RNF216: variants seen among roughly 807,000 people sequenced by gnomAD.
The protein encoded by RNF216 is E3 ubiquitin-protein ligase RNF216.
A neutral mutation model predicts 110.8 loss-of-function variants in RNF216; 72 were observed. That is an observed-to-expected ratio of 0.65 (90% CI 0.54 to 0.79). The LOEUF is 0.79. Ranked by LOEUF, RNF216 falls within the 30% of genes least tolerant of loss-of-function variation. The pLI is 0.00. For missense variants in RNF216, 1,342 were observed against 1,141.2 expected, an observed-to-expected ratio of 1.18 and a Z score of -2.54; for synonymous variants, 495 against 407.5, an observed-to-expected ratio of 1.21 and a Z score of -2.59.
intron 5 of RNF216, among the ~76,000 whole-genome samples, chr7:5,736,837 C>T (rs2772379): frequency 2.6e-5 from 4 of 151,268 alleles, no homozygotes; most frequent in South Asian, 2.1e-4. Context: ...GGAGCCCCTC[C>T]GCCCCGCAGC....
rs774823145 is a variant in RNF216 at position 5,622,779 on chromosome 7, A to T, written c.*81T>A. On this transcript the variant is annotated 3_prime_UTR_variant, in exon 17 of 17. Transcript: ENST00000389902. ...GCTGACTTAGGATGCAATGGTACAG[A>T]CACCAGCCTTGGGGGAGGGTTCTCC... is the stretch of plus-strand genomic sequence containing the variant. 3 of 1,380,134 alleles carry T rather than the reference A, an allele frequency of 2.2e-6. No homozygotes were observed. Among genetic ancestry groups the T allele is most frequent in the Non-Finnish European group, 3.0e-6 (3 of 1,007,418 alleles). The allele number at this position is 1,380,134 out of a possible 1,614,324, so 85.5% of individuals were successfully genotyped here.
At chr7:5,678,826 A>G (rs908750668) in intron 13 of RNF216, among the ~76,000 whole-genome samples, 1 of 152,212 alleles carries the variant, frequency 6.6e-6, no homozygotes, top group East Asian at 1.9e-4. Context: ...CAGGGAAGAC[A>G]TGAGAGCTGG....
intron 13 of RNF216, among the ~76,000 whole-genome samples, chr7:5,693,725 A>T (rs982988671): frequency 6.6e-6 from 1 of 152,148 alleles, no homozygotes; most frequent in Non-Finnish European, 1.5e-5. Context: ...GTTGTTCTAA[A>T]GTTAGGCAAG....
intron 1 of RNF216, among the ~76,000 whole-genome samples, chr7:5,773,680 G>A (rs927123401): frequency 6.6e-6 from 1 of 152,178 alleles, no homozygotes; most frequent in African/African-American, 2.4e-5. Flanking sequence ...CGATTCTCCT[G>A]CCTCAGCCTC....
intron 13 of RNF216, among the ~76,000 whole-genome samples, chr7:5,675,707 T>A (rs1790239663): frequency 6.8e-6 from 1 of 147,778 alleles, no homozygotes; most frequent in Admixed American, 6.6e-5. Flanking sequence ...CTAACTCTAT[T>A]CAAATTCTTT....
intron 1 of RNF216, among the ~76,000 whole-genome samples, chr7:5,769,549 G>T (rs895655657): frequency 6.7e-6 from 1 of 150,186 alleles, no homozygotes; most frequent in Admixed American, 6.6e-5. Flanking sequence ...ATGGTGAAAC[G>T]CTGTCTCTAC....
intron 15 of RNF216, among the ~76,000 whole-genome samples, chr7:5,629,905 A>T (rs891870526): frequency 6.6e-6 from 1 of 151,872 alleles, no homozygotes; most frequent in African/African-American, 2.4e-5. Flanking sequence ...CTAGTCCCTC[A>T]TAAGATACTT....
intron 15 of RNF216, among the ~76,000 whole-genome samples, chr7:5,632,296 T>C (rs763381430): frequency 1.1e-4 from 16 of 152,338 alleles, no homozygotes; most frequent in African/African-American, 2.6e-4. Context: ...CTGTGCCTCA[T>C]CCTTGGTTTC....
intron 1 of RNF216, among the ~76,000 whole-genome samples, chr7:5,771,027 C>T (rs1796468301): frequency 6.6e-6 from 1 of 152,110 alleles, no homozygotes; most frequent in Admixed American, 6.6e-5. Context: ...AGGCTGGTCT[C>T]GAACTCTTGA....
intron 13 of RNF216, among the ~76,000 whole-genome samples, chr7:5,697,614 C>CT (rs1791709179): frequency 6.6e-6 from 1 of 152,128 alleles, no homozygotes; most frequent in South Asian, 2.1e-4. Flanking sequence ...TCCTGTGCAG[C>CT]TGGGACTACA....
chr7:5,753,088 G>A (rs1795418925), intron 2 of RNF216, 109 bp from the exon 3 acceptor site: 2 of 1,094,286 alleles, frequency 1.8e-6, no homozygotes, highest in Admixed American at 5.8e-5. Context: ...ATGGCTACTA[G>A]TGTAACGTAC....
chr7:5,773,577 C>A (rs1326092917), intron 1 of RNF216, among the ~76,000 whole-genome samples: 2 of 150,888 alleles, frequency 1.3e-5, no homozygotes, highest in Non-Finnish European at 3.0e-5. Context: ...TATTTTCAAG[C>A]CAAATTTTGA....
chr7:5,775,169 G>T (rs1584627046), intron 1 of RNF216: 1 of 152,150 alleles, frequency 6.6e-6, no homozygotes, highest in African/African-American at 2.4e-5. Flanking sequence ...ACCAGAGTCA[G>T]GAAACATGGC....
At chr7:5,692,983 C>G (rs978619019) in intron 13 of RNF216, among the ~76,000 whole-genome samples, 4 of 152,212 alleles carry the variant, frequency 2.6e-5, no homozygotes, top group South Asian at 4.1e-4. Flanking sequence ...TTCCTCCTCC[C>G]ATTTAAGACA....
chr7:5,741,788 T>C lies in RNF216; in HGVS notation c.229A>G (p.Asn77Asp). The C allele has an allele frequency of 6.2e-7, 1 of 1,612,494 alleles. No homozygotes were observed. Among genetic ancestry groups the C allele is most frequent in the Non-Finnish European group, 8.5e-7 (1 of 1,179,552 alleles). The change falls in exon 4 of 17, where the codon AAT becomes GAT. Residue 77 changes from asparagine (N) to aspartate (D), a missense_variant. Asn to Asp is a conservative substitution (Grantham distance 23, BLOSUM62 1). Transcript: ENST00000389902. ...CACTGGGCAGCTGGTTTGATGAGAT[T>C]GGGTCGTGATCTCTGAGGTTTATTT... ...ETNKPQRSRPNLIKPAAQWQD... is the reference protein window; with the variant it reads ...ETNKPQRSRPDLIKPAAQWQD...
intron 15 of RNF216, among the ~76,000 whole-genome samples, chr7:5,626,333 T>G (rs150439339): frequency 1.3e-5 from 2 of 151,240 alleles, no homozygotes; most frequent in African/African-American, 4.9e-5. Context: ...AATATCAAGG[T>G]AGATGCTATC....
chr7:5,701,278 T>G (rs939137004), intron 13 of RNF216, among the ~76,000 whole-genome samples: 1 of 152,208 alleles, frequency 6.6e-6, no homozygotes, highest in Non-Finnish European at 1.5e-5. Context: ...GGGGAGCTGG[T>G]AGAAATGAGT....
intron 5 of RNF216, among the ~76,000 whole-genome samples, chr7:5,732,265 A>G (rs531172271): frequency 3.3e-5 from 5 of 152,330 alleles, no homozygotes; most frequent in Admixed American, 3.3e-4. Context: ...GCCACCAGCA[A>G]AAATCGCGTC....
intron 13 of RNF216, among the ~76,000 whole-genome samples, chr7:5,655,598 T>C (rs1788689780): frequency 6.6e-6 from 1 of 150,932 alleles, no homozygotes; most frequent in African/African-American, 2.4e-5. Context: ...AGAGCAAGAC[T>C]CCATCTCAAA....
Sources: gnomAD v4.1 joint callset for allele counts (sites outside exome capture counted in the v4.1 genomes callset) on GRCh38, gnomAD v4.1.1 for gene constraint, MANE v1.5 for transcripts, NCBI Gene and HGNC (gene_info 2026-07-23, HGNC 2026-07-21) for gene names.